The following XYLT1 variants were observed in gnomAD, a reference collection of about 807,000 sequenced individuals.
XYLT1 encodes the protein xylosyltransferase 1.
Under a neutral mutation model 91.3 loss-of-function variants are expected in XYLT1, and 36 were observed. That is an observed-to-expected ratio of 0.39 (90% CI 0.30 to 0.52). The LOEUF is 0.52. Among genes scored for constraint, XYLT1 ranks in the 20% least tolerant of loss-of-function variants. XYLT1 has a pLI of 0.68. For missense variants in XYLT1, 1,242 were observed against 1,284.5 expected, an observed-to-expected ratio of 0.97 and a Z score of 0.51; for synonymous variants, 588 against 532.0, an observed-to-expected ratio of 1.11 and a Z score of -1.45.
At chr16:17,295,411 A>G (rs545561169) in intron 2 of XYLT1, among the ~76,000 whole-genome samples, 3 of 152,054 alleles carry the variant, frequency 2.0e-5, no homozygotes, top group East Asian at 3.9e-4. Context: ...GCTGGAGTGC[A>G]GTGGTACGAT....
At chr16:17,371,935 AC>A (rs58371057) in intron 1 of XYLT1, among the ~76,000 whole-genome samples, 3 of 151,836 alleles carry the variant, frequency 2.0e-5, no homozygotes, top group African/African-American at 2.4e-5. Context: ...TTCATTCAAC[AC>A]CCCCCCAAAA....
At chr16:17,372,947 C>A (rs1176814239) in intron 1 of XYLT1, among the ~76,000 whole-genome samples, 1 of 152,124 alleles carries the variant, frequency 6.6e-6, no homozygotes, top group Non-Finnish European at 1.5e-5. Context: ...TCTATAAGGA[C>A]TAACAACAAA....
At position 17,470,550 on chromosome 16, in the gene XYLT1, C is replaced by T; in HGVS notation, c.247G>A (p.Gly83Ser). The T allele has an allele frequency of 1.7e-6, 2 of 1,183,350 alleles. No individual in the cohort carries two copies. 73.3% of individuals were successfully genotyped at this position (1,183,350 alleles called of 1,614,324 possible). ...CGTCCTCCTCCTCCTCCGCCGCCGC[C>T]TCCTCCTCCTCCTCGGGCTGCAGCC... ...EPAAARGGGGGGGGGGGGRGP... is the reference protein window; with the variant it reads ...EPAAARGGGGSGGGGGGGRGP... Residue 83 changes from glycine (G) to serine (S), a missense_variant, in exon 1 of 12, where the codon GGC becomes AGC. Transcript: ENST00000261381.
intron 1 of XYLT1, 55 bp from the exon 2 acceptor site, chr16:17,358,105 A>C (rs1596501172): frequency 1.3e-6 from 2 of 1,499,690 alleles, no homozygotes; most frequent in Non-Finnish European, 1.8e-6. Flanking sequence ...TTAACTTACT[A>C]CCCCAGCATC....
At chr16:17,298,483 C>T (rs1407561546) in intron 2 of XYLT1, among the ~76,000 whole-genome samples, 1 of 152,176 alleles carries the variant, frequency 6.6e-6, no homozygotes, top group Non-Finnish European at 1.5e-5. Flanking sequence ...GAGTGGAGGA[C>T]TGCAGAGTTG....
intron 2 of XYLT1, among the ~76,000 whole-genome samples, chr16:17,346,279 G>A (rs2035142900): frequency 6.6e-6 from 1 of 152,184 alleles, no homozygotes; most frequent in Non-Finnish European, 1.5e-5. Flanking sequence ...ACCAGGTCCA[G>A]ACTGCCCTTG....
chr16:17,197,347 G>A (rs774103989), intron 5 of XYLT1, among the ~76,000 whole-genome samples: 14 of 152,042 alleles, frequency 9.2e-5, no homozygotes, highest in South Asian at 4.2e-4. Context: ...CCAGGCCACC[G>A]TTGGTAAAAT....
chr16:17,229,234 G>A (rs2033119850), intron 3 of XYLT1, among the ~76,000 whole-genome samples: 1 of 152,200 alleles, frequency 6.6e-6, no homozygotes, highest in African/African-American at 2.4e-5. Context: ...GAACTGACGT[G>A]CAAAAAATGT....
chr16:17,179,332 A>C (rs1416042986), intron 5 of XYLT1, among the ~76,000 whole-genome samples: 1 of 152,160 alleles, frequency 6.6e-6, no homozygotes, highest in Non-Finnish European at 1.5e-5. Flanking sequence ...AGGACACACA[A>C]TTTACCTATG....
At chr16:17,244,367 G>A (rs949541289) in intron 3 of XYLT1, among the ~76,000 whole-genome samples, 26 of 152,184 alleles carry the variant, frequency 1.7e-4, no homozygotes, top group Non-Finnish European at 1.5e-4. Context: ...CTAGGCACGA[G>A]AGATGTTACT....
chr16:17,411,134 C>G (rs558112625), intron 1 of XYLT1, among the ~76,000 whole-genome samples: 38 of 152,334 alleles, frequency 2.5e-4, no homozygotes, highest in African/African-American at 8.7e-4. Context: ...CAACTCCCAT[C>G]TGAGAATATT....
chr16:17,279,281 T>C (rs1336574091), intron 2 of XYLT1, among the ~76,000 whole-genome samples: 1 of 152,056 alleles, frequency 6.6e-6, no homozygotes, highest in Non-Finnish European at 1.5e-5. Flanking sequence ...GCTCATGGAG[T>C]TGAAATGAGA....
intron 2 of XYLT1, among the ~76,000 whole-genome samples, chr16:17,316,250 C>G (rs948390281): frequency 6.6e-6 from 1 of 152,128 alleles, no homozygotes; most frequent in African/African-American, 2.4e-5. Flanking sequence ...CATCGGAGCC[C>G]TGGGGACTGT....
chr16:17,369,217 C>G (rs1269439122), intron 1 of XYLT1, among the ~76,000 whole-genome samples: 1 of 151,022 alleles, frequency 6.6e-6, no homozygotes, highest in Non-Finnish European at 1.5e-5. Flanking sequence ...GCAACCTCCA[C>G]CTCCCGGGTT....
At chr16:17,415,798 C>T (rs2036173073) in intron 1 of XYLT1, among the ~76,000 whole-genome samples, 1 of 152,124 alleles carries the variant, frequency 6.6e-6, no homozygotes, top group South Asian at 2.1e-4. Flanking sequence ...TACGAGATTC[C>T]ATTTGCTGTG....
chr16:17,451,048 G>C (rs2036659328), intron 1 of XYLT1, among the ~76,000 whole-genome samples: 1 of 152,076 alleles, frequency 6.6e-6, no homozygotes. Context: ...AACTGCAGAG[G>C]GACTCTGGGA....
At chr16:17,262,949 C>G (rs1408545317) in intron 2 of XYLT1, among the ~76,000 whole-genome samples, 1 of 152,276 alleles carries the variant, frequency 6.6e-6, no homozygotes, top group African/African-American at 2.4e-5. Context: ...CTCCAACAGA[C>G]AGAAACATCT....
At chr16:17,285,374 C>T (rs772626639) in intron 2 of XYLT1, among the ~76,000 whole-genome samples, 5 of 152,164 alleles carry the variant, frequency 3.3e-5, no homozygotes, top group Admixed American at 6.5e-5. Context: ...TGGGAACTTG[C>T]GCTAGATGCT....
intron 2 of XYLT1, among the ~76,000 whole-genome samples, chr16:17,355,733 C>T (rs1029530617): frequency 1.3e-5 from 2 of 151,892 alleles, no homozygotes; most frequent in Non-Finnish European, 2.9e-5. Flanking sequence ...TTTTTGAGAC[C>T]GAGTCTCACT....
Sources: gnomAD v4.1 joint callset for allele counts (sites outside exome capture counted in the v4.1 genomes callset) on GRCh38, gnomAD v4.1.1 for gene constraint, MANE v1.5 for transcripts, NCBI Gene and HGNC (gene_info 2026-07-23, HGNC 2026-07-21) for gene names.